Variants in TUBGCP6 observed in about 807,000 individuals in gnomAD.
TUBGCP6 encodes gamma-tubulin complex component 6.
Under a neutral mutation model 175.8 loss-of-function variants are expected in TUBGCP6, and 161 were observed. That is an observed-to-expected ratio of 0.92 (90% confidence interval 0.81 to 1.04). TUBGCP6 has a LOEUF of 1.04. TUBGCP6 is among the 50% of genes least tolerant of loss of function. The pLI, the probability that TUBGCP6 is intolerant of heterozygous loss-of-function variation, is 0.00. For synonymous variants in TUBGCP6, 1,173 were observed against 1,030.5 expected (o/e 1.14, Z -2.65); for missense variants, 2,572 against 2,433.0 (o/e 1.06, Z -1.20).
rs1273048349 is a variant in TUBGCP6, at chr22:50,218,246, C to T, written c.5111G>A (p.Gly1704Asp). Residue 1704 changes from glycine (G) to aspartate (D), a missense_variant, in exon 23 of 25, where the codon GGC (glycine) becomes GAC (aspartate). Physicochemically the swap from Gly to Asp is moderately conservative, Grantham distance 94. Coordinates refer to ENST00000248846, the MANE Select transcript of TUBGCP6 (RefSeq NM_020461.4). Reference protein sequence around the residue: ...CEFRARLATVGDLEEIQRAHA... With the variant: ...CEFRARLATVDDLEEIQRAHA... The stretch of plus-strand genomic sequence containing the variant: ...CGCACGCTGGATCTCCTCCAGGTCG[C>T]CCACGGTGGCCAACCTGGCCCTGAA... 1 of 1,612,984 alleles carries T rather than the reference C, an allele frequency of 6.2e-7. No homozygotes were observed. Among genetic ancestry groups the T allele is most frequent in the Non-Finnish European group, 8.5e-7 (1 of 1,179,958 alleles).
At chr22:50,224,900 GAC>G in intron 10 of TUBGCP6, among the ~76,000 whole-genome samples, 1 of 152,162 alleles carries the variant, frequency 6.6e-6, no homozygotes, top group African/African-American at 2.4e-5. Flanking sequence ...CCTCCTGGCT[GAC>G]ACAGTGAGAC....
intron 5 of TUBGCP6, among the ~76,000 whole-genome samples, chr22:50,227,601 T>C (rs1265723866): frequency 1.3e-5 from 2 of 152,214 alleles, no homozygotes; most frequent in African/African-American, 4.8e-5. Context: ...CCCCCGAGCC[T>C]GGTTGCTCAC....
Position 50,244,028 on chromosome 22 carries a change from C to T in TUBGCP6, c.432G>A (p.Pro144=), listed in dbSNP as rs2064884049. 3 of 1,614,100 alleles carry T rather than the reference C, an allele frequency of 1.9e-6. No individual in the cohort carries two copies. Among genetic ancestry groups the T allele is most frequent in the Non-Finnish European group, 2.5e-6 (3 of 1,180,032 alleles). ...LNNKHVGRNV[P]YSGYDCDDLS... is the part of the protein sequence containing the mutation. ...GGTCGTCGCAATCATAGCCGCTGTA[C>T]GGAACGTTTCTCCCCACATGCTTGT... The change falls in exon 1 of 25, where the codon CCG becomes CCA. Residue 144 remains proline (P), a synonymous_variant. Transcript: ENST00000248846.
intron 17 of TUBGCP6, 42 bp from the exon 18 acceptor site, chr22:50,219,833 C>T: frequency 2.5e-6 from 4 of 1,607,066 alleles, no homozygotes; most frequent in Non-Finnish European, 3.4e-6. Flanking sequence ...CCACTGCACG[C>T]TGTCCCCACA....
intron 13 of TUBGCP6, 95 bp from the exon 14 acceptor site, chr22:50,222,687 G>A: frequency 6.6e-7 from 1 of 1,518,616 alleles, no homozygotes; most frequent in Non-Finnish European, 8.9e-7. Flanking sequence ...CATAACAGAG[G>A]CCCCAGTGGG....
Position 50,218,846 on chromosome 22 carries a change from A to G in TUBGCP6, c.4678T>C (p.Ser1560Pro). The change falls in exon 21 of 25, where the codon TCT (serine) becomes CCT (proline). Residue 1560 changes from serine to proline, a missense_variant. Transcript: ENST00000248846. ...GELLNPLVLN[S>P]VLSKALQCSL... The stretch of plus-strand genomic sequence containing the variant: ...CACTGCAGGGCCTTGCTCAGCACAG[A>G]GTTCAGCACCAGCGGGTTGAGCAGC... 1.9e-6 allele frequency: 3 copies of G among 1,614,012 alleles called. No individual in the cohort carries two copies. In the African/African-American group the frequency reaches 4.0e-5, roughly 22 times the overall value.
rs767032390 is a variant in TUBGCP6, at chr22:50,222,341, C to T, written c.2409+113G>A. On this transcript the variant is annotated intron_variant, in intron 14 of 24. Transcript: ENST00000248846. ...GAGAGAGAGTGCTCTGCCGCAAACG[C>T]GAAAGCCACCAGCCCTCTCCTAGAA... 3.6e-5 allele frequency: 54 copies of T among 1,499,140 alleles called. No individual in the cohort carries two copies. In the Middle Eastern group the frequency reaches 6.4e-4, roughly 18 times the overall value. 92.9% of individuals were successfully genotyped at this position (1,499,140 alleles called of 1,614,324 possible).
chr22:50,229,736 G>A (rs528984880), intron 3 of TUBGCP6, among the ~76,000 whole-genome samples, 159 bp from the exon 4 acceptor site: 45 of 152,158 alleles, frequency 3.0e-4, no homozygotes, highest in African/African-American at 8.7e-4. Flanking sequence ...CTCCCACACC[G>A]AGGGACCAAA....
rs202244591 is a variant in TUBGCP6 at position 50,218,244 on chromosome 22, C to T, written c.5113G>A (p.Asp1705Asn). Residue 1705 changes from aspartate to asparagine, a missense_variant, in exon 23 of 25, where the codon GAC becomes AAC. By Grantham distance (23) the Asp-to-Asn change is conservative (BLOSUM62 1). Coordinates refer to ENST00000248846, the MANE Select transcript of TUBGCP6 (RefSeq NM_020461.4). ...EFRARLATVG[D>N]LEEIQRAHAE... ...TGCGCACGCTGGATCTCCTCCAGGT[C>T]GCCCACGGTGGCCAACCTGGCCCTG... 1.8e-4 allele frequency: 284 copies of T among 1,612,878 alleles called. No homozygotes were observed. Among genetic ancestry groups the T allele is most frequent in the South Asian group, 7.7e-5 (7 of 91,084 alleles).
chr22:50,244,068 T>C lies in TUBGCP6; in HGVS notation c.392A>G (p.Asp131Gly). The change falls in exon 1 of 25, where the codon GAC becomes GGC. Residue 131 changes from aspartate to glycine, a missense_variant. Transcript: ENST00000248846. ...CACATGCTTGTTGTTAAGGAAGTAG[T>C]CTCGTTTTCTCGGCAGAACTTGAGG... The part of the protein sequence containing the change: ...GPPQVLPRKR[D>G]YFLNNKHVGR... The C allele has an allele frequency of 6.2e-7, 1 of 1,613,958 alleles. No homozygotes were observed. The highest frequency in any genetic ancestry group is 1.3e-5 in the African/African-American group (1 of 75,036).
Position 50,244,683 on chromosome 22 carries a change from G to A in TUBGCP6, c.-224C>T. The A allele has an allele frequency of 4.8e-6, 3 of 627,524 alleles. No homozygotes were observed. The highest frequency in any genetic ancestry group is 5.2e-6 in the Non-Finnish European group (2 of 387,772). The allele number at this position is 627,524 out of a possible 1,614,324, so 38.9% of individuals were successfully genotyped here. A position where few individuals can be genotyped will look rare whatever the true frequency, so the allele number is the denominator to read the frequency against. On this transcript the variant is annotated 5_prime_UTR_variant, in exon 1 of 25. Transcript: ENST00000248846. ...CCCCAGTCCAAGCACGCTGCCCGGCGCCCGGCAGCCCACCAGAAGCCAGCT... is the reference window on the plus strand; with the variant it reads ...CCCCAGTCCAAGCACGCTGCCCGGCACCCGGCAGCCCACCAGAAGCCAGCT...
rs1350795778 is a variant in TUBGCP6 at position 50,240,275 on chromosome 22, TG to T, written c.833del (p.Pro278GlnfsTer35). On this transcript the variant is annotated frameshift_variant, in exon 2 of 25. Transcript: ENST00000248846. LOFTEE classifies it high-confidence loss of function. The part of the protein sequence containing the change: ...PDSQSEPSVT[P>X]DVDLWEAALT... ...GTGCGGCTTCCCACAGGTCCACGTC[TG>T]GGGTCACGCTGGGCTCAGACTGGGA... 1 of 1,614,030 alleles carries T rather than the reference TG, an allele frequency of 6.2e-7. No individual in the cohort carries two copies. The highest frequency in any genetic ancestry group is 1.1e-5 in the South Asian group (1 of 91,080).
chr22:50,219,412 C>T lies in TUBGCP6; in HGVS notation c.4360G>A (p.Ala1454Thr). Reference protein sequence around the residue: ...AHLLRPVLPRAFAFPVDPQVQ... With the variant: ...AHLLRPVLPRTFAFPVDPQVQ... The stretch of plus-strand genomic sequence containing the variant: ...TGGGGGTCCACGGGGAAGGCGAAGG[C>T]CCGGGGAAGCACGGGGCGCAAAAGA... Residue 1454 changes from alanine (A) to threonine (T), a missense_variant, in exon 19 of 25, where the codon GCC becomes ACC. Ala to Thr is a moderately conservative substitution (Grantham distance 58). Transcript: ENST00000248846. 1 of 1,570,174 alleles carries T rather than the reference C, an allele frequency of 6.4e-7. No individual in the cohort carries two copies. Among genetic ancestry groups the T allele is most frequent in the Non-Finnish European group, 8.6e-7 (1 of 1,158,450 alleles).
Position 50,226,069 on chromosome 22 carries a change from A to T in TUBGCP6, c.1814T>A (p.Leu605Gln). ...IYVCGKTINL[L>Q]KLCCPRHYLC... ...CCTCACCCGGGGGCAGCAGAGCTTC[A>T]GCAGGTTAATGGTCTTTCCGCAGAC... Residue 605 changes from leucine to glutamine, a missense_variant, in exon 9 of 25, where the codon CTG (leucine) becomes CAG (glutamine). By Grantham distance (113) the Leu-to-Gln change is moderately radical. Coordinates refer to ENST00000248846, the MANE Select transcript of TUBGCP6 (RefSeq NM_020461.4). The T allele has an allele frequency of 6.2e-7, 1 of 1,614,166 alleles. No homozygotes were observed. The highest frequency in any genetic ancestry group is 1.1e-5 in the South Asian group (1 of 91,086).
chr22:50,221,229 C>A lies in TUBGCP6; in HGVS notation c.3130G>T (p.Ala1044Ser). 3 of 1,614,194 alleles carry A rather than the reference C, an allele frequency of 1.9e-6. No homozygotes were observed. The highest frequency in any genetic ancestry group is 2.5e-6 in the Non-Finnish European group (3 of 1,180,048). The change falls in exon 16 of 25, where the codon GCT becomes TCT. Residue 1044 changes from alanine (A) to serine (S), a missense_variant. Physicochemically the swap from Ala to Ser is moderately conservative, Grantham distance 99. Coordinates refer to ENST00000248846, the MANE Select transcript of TUBGCP6 (RefSeq NM_020461.4). ...LPTGDYASEIAPTRPRWNTHG... is the reference protein window; with the variant it reads ...LPTGDYASEISPTRPRWNTHG... ...GTGTTCCACCGTGGCCGGGTGGGAG[C>A]TATTTCAGAAGCGTAGTCCCCTGTG...
chr22:50,241,949 C>T (rs1232488467), intron 1 of TUBGCP6, among the ~76,000 whole-genome samples: 1 of 133,472 alleles, frequency 7.5e-6, no homozygotes, highest in East Asian at 2.2e-4. Flanking sequence ...ACCCACAGAC[C>T]CTGTAGGGCT....
At chr22:50,238,015 C>G (rs978569483) in intron 2 of TUBGCP6, among the ~76,000 whole-genome samples, 2 of 152,094 alleles carry the variant, frequency 1.3e-5, no homozygotes, top group African/African-American at 4.8e-5. Flanking sequence ...CCACTGTAAT[C>G]CCAGCTACTT....
At chr22:50,229,288 G>A in intron 4 of TUBGCP6, 116 bp downstream of exon 4, 4 of 1,185,392 alleles carry the variant, frequency 3.4e-6, no homozygotes, top group Non-Finnish European at 4.7e-6. Context: ...ATGTTAGCAA[G>A]GAAAGAAAAG....
At position 50,242,573 on chromosome 22, in the gene TUBGCP6, G is replaced by A. The variant is rs141198825; in HGVS notation, c.741+1146C>T. Among the ~76,000 whole-genome samples the A allele has an allele frequency of 3.9e-3, 599 of 152,308 alleles. 2 individuals carry two copies. The highest frequency in any genetic ancestry group is 0.014 in the African/African-American group (569 of 41,568). On this transcript the variant is annotated intron_variant, in intron 1 of 24. Transcript: ENST00000248846. ...TATGTTTCTAAATCATCTAGCTATC[G>A]CATAAGAATAGAACGACTAGTAACA... is the stretch of plus-strand genomic sequence containing the variant.
Sources: allele counts gnomAD v4.1 joint callset (sites outside exome capture counted in the v4.1 genomes callset), GRCh38; gene constraint gnomAD v4.1.1; transcripts MANE v1.5; gene names NCBI Gene and HGNC (gene_info 2026-07-23, HGNC 2026-07-21).